Variants in NKAIN2 observed in about 807,000 individuals in gnomAD.
NKAIN2 encodes the protein sodium/potassium transporting ATPase interacting 2.
NKAIN2 carries 14 observed loss-of-function variants against 32.6 expected under a neutral mutation model. The observed-to-expected ratio is 0.43, with a 90% confidence interval of 0.28 to 0.67. The LOEUF (loss-of-function observed/expected upper bound fraction) is 0.67, where lower values mean the gene tolerates loss of function less well. NKAIN2 is among the 30% of genes least tolerant of loss of function. The probability of loss-of-function intolerance (pLI) is 0.17; values close to 1 mark genes in which losing one functional copy is unlikely to be tolerated. For missense variants in NKAIN2, 198 were observed against 258.3 expected (o/e 0.77, Z 1.60); for synonymous variants, 80 against 87.2 (o/e 0.92, Z 0.46).
At chr6:124,348,984 C>A (rs1011611253) in intron 2 of NKAIN2, among the ~76,000 whole-genome samples, 2 of 152,284 alleles carry the variant, frequency 1.3e-5, no homozygotes, top group South Asian at 4.2e-4. Flanking sequence ...CCCAGGGAGT[C>A]TCGCTGATTG....
At chr6:124,422,216 T>G (rs913216563) in intron 3 of NKAIN2, among the ~76,000 whole-genome samples, 1 of 152,172 alleles carries the variant, frequency 6.6e-6, no homozygotes, top group African/African-American at 2.4e-5. Context: ...AATTGAACTT[T>G]TTATATAATG....
At chr6:124,151,621 C>T (rs1787728625) in intron 1 of NKAIN2, among the ~76,000 whole-genome samples, 1 of 152,046 alleles carries the variant, frequency 6.6e-6, no homozygotes, top group South Asian at 2.1e-4. Context: ...GAAAGTACAC[C>T]CCACAAGCAA....
At chr6:123,990,912 G>A (rs1779384154) in intron 1 of NKAIN2, among the ~76,000 whole-genome samples, 1 of 152,152 alleles carries the variant, frequency 6.6e-6, no homozygotes, top group African/African-American at 2.4e-5. Flanking sequence ...ACATCATTAA[G>A]AGTATGTCAC....
chr6:124,233,888 C>A (rs530327545), intron 1 of NKAIN2, among the ~76,000 whole-genome samples: 1 of 152,228 alleles, frequency 6.6e-6, no homozygotes, highest in African/African-American at 2.4e-5. Context: ...GATAGCATGA[C>A]CATTTATCTG....
chr6:123,876,719 A>G (rs536924550), intron 1 of NKAIN2, among the ~76,000 whole-genome samples: 53 of 152,308 alleles, frequency 3.5e-4, no homozygotes, highest in African/African-American at 1.3e-3. Context: ...TTTTTATTCT[A>G]TTCAAGTCCT....
chr6:124,450,590 T>G (rs1776065357), intron 3 of NKAIN2, among the ~76,000 whole-genome samples: 1 of 151,820 alleles, frequency 6.6e-6, no homozygotes, highest in African/African-American at 2.4e-5. Flanking sequence ...ATCAAAAATA[T>G]ATTCTTAACA....
intron 3 of NKAIN2, among the ~76,000 whole-genome samples, chr6:124,510,836 A>T (rs753765596): frequency 6.6e-6 from 1 of 152,208 alleles, no homozygotes; most frequent in Non-Finnish European, 1.5e-5. Flanking sequence ...AAAATATATC[A>T]GGTAATAACT....
chr6:123,930,207 T>G (rs902981735), intron 1 of NKAIN2, among the ~76,000 whole-genome samples: 1 of 152,190 alleles, frequency 6.6e-6, no homozygotes, highest in Admixed American at 6.5e-5. Context: ...GATATTGTTT[T>G]ACTGATAATT....
chr6:123,918,204 A>G (rs1775585675), intron 1 of NKAIN2, among the ~76,000 whole-genome samples: 1 of 152,190 alleles, frequency 6.6e-6, no homozygotes, highest in Non-Finnish European at 1.5e-5. Flanking sequence ...GAAATTACCA[A>G]ATATTACAAA....
chr6:124,603,850 T>C (rs964133933), intron 3 of NKAIN2, among the ~76,000 whole-genome samples: 4 of 151,956 alleles, frequency 2.6e-5, no homozygotes, highest in African/African-American at 9.7e-5. Context: ...TTACCTGAGC[T>C]GAAAAGAACT....
intron 3 of NKAIN2, among the ~76,000 whole-genome samples, chr6:124,537,609 T>G (rs1779763528): frequency 6.6e-6 from 1 of 152,226 alleles, no homozygotes; most frequent in Non-Finnish European, 1.5e-5. Flanking sequence ...TACTATCTTT[T>G]GTGTATGCTT....
At chr6:124,151,245 A>G (rs1437355405) in intron 1 of NKAIN2, among the ~76,000 whole-genome samples, 1 of 152,028 alleles carries the variant, frequency 6.6e-6, no homozygotes, top group Non-Finnish European at 1.5e-5. Context: ...TATGAATTTA[A>G]TTCATTTTAC....
At chr6:124,292,967 T>C (rs1041539674) in intron 2 of NKAIN2, among the ~76,000 whole-genome samples, 1 of 152,108 alleles carries the variant, frequency 6.6e-6, no homozygotes, top group Admixed American at 6.6e-5. Flanking sequence ...AGAAAAACAA[T>C]CTACCCCTTG....
At chr6:124,331,345 CAAAAAAAAAAAAAAA>C (rs1162529828) in intron 2 of NKAIN2, among the ~76,000 whole-genome samples, 37 of 20,818 alleles carry the variant, frequency 1.8e-3, no homozygotes, top group Admixed American at 6.5e-3. Flanking sequence ...ACTAAATATA[CAAAAAAAAAAAAAAA>C]AAAAAAAAAA....
chr6:123,917,536 A>G (rs1041869087), intron 1 of NKAIN2, among the ~76,000 whole-genome samples: 10 of 152,176 alleles, frequency 6.6e-5, no homozygotes, highest in Non-Finnish European at 1.5e-4. Flanking sequence ...TGTCGTAGCA[A>G]TGTATAGCCA....
chr6:124,116,638 TTTAACC>T (rs1785632205), intron 1 of NKAIN2, among the ~76,000 whole-genome samples: 1 of 152,108 alleles, frequency 6.6e-6, no homozygotes, highest in Non-Finnish European at 1.5e-5. Flanking sequence ...AAAGCTGGAC[TTTAACC>T]TTAAGTAAAT....
At chr6:124,192,082 T>G (rs946356702) in intron 1 of NKAIN2, among the ~76,000 whole-genome samples, 8 of 152,168 alleles carry the variant, frequency 5.3e-5, no homozygotes, top group Non-Finnish European at 5.9e-5. Context: ...ATGGTTTTCC[T>G]GTTTTCTATT....
chr6:124,727,205 A>G (rs1224977410), intron 4 of NKAIN2, among the ~76,000 whole-genome samples: 2 of 151,264 alleles, frequency 1.3e-5, no homozygotes, highest in East Asian at 3.9e-4. Flanking sequence ...AAATACAGAG[A>G]ACACCACAAA....
chr6:123,908,917 C>T, intron 1 of NKAIN2, among the ~76,000 whole-genome samples: 1 of 152,226 alleles, frequency 6.6e-6, no homozygotes, highest in East Asian at 1.9e-4. Context: ...ATTTTAATTG[C>T]ATATGTTAGC....
Sources: gnomAD v4.1 joint callset for allele counts (sites outside exome capture counted in the v4.1 genomes callset) on GRCh38, gnomAD v4.1.1 for gene constraint, MANE v1.5 for transcripts, NCBI Gene and HGNC (gene_info 2026-07-23, HGNC 2026-07-21) for gene names.